PHTF2: variants seen among roughly 807,000 people sequenced by gnomAD.
The protein encoded by PHTF2 is protein PHTF2.
In PHTF2, 60 loss-of-function variants were observed where a neutral mutation model predicts 101.2. That is an observed-to-expected ratio of 0.59 (90% CI 0.48 to 0.73). The LOEUF (loss-of-function observed/expected upper bound fraction) is 0.73, where lower values mean the gene tolerates loss of function less well. Ranked by LOEUF, PHTF2 falls within the 30% of genes least tolerant of loss-of-function variation. PHTF2 has a pLI of 0.00. For missense variants in PHTF2, 747 were observed against 908.7 expected, an observed-to-expected ratio of 0.82 and a Z score of 2.29; for synonymous variants, 311 against 307.3, an observed-to-expected ratio of 1.01 and a Z score of -0.13.
intron 1 of PHTF2, among the ~76,000 whole-genome samples, chr7:77,814,815 C>T (rs1381429091): frequency 1.3e-5 from 2 of 152,086 alleles, no homozygotes; most frequent in Non-Finnish European, 2.9e-5. Flanking sequence ...TGGCTTAGGC[C>T]TGTAATTCCA....
At chr7:77,898,033 A>G (rs1276677286) in intron 5 of PHTF2, among the ~76,000 whole-genome samples, 2 of 149,436 alleles carry the variant, frequency 1.3e-5, no homozygotes, top group African/African-American at 2.5e-5. Flanking sequence ...TTGATAGGCT[A>G]CCTTAGAGGG....
In PHTF2 at chr7:77,946,974, G is replaced by C. The variant is rs1204822099; in HGVS notation, c.1960-2704G>C. Reference sequence around the variant, plus strand: ...TGGTCTCTACAAAAAAAAAAAAAAAGCCAGACATGGTGACACATGCCTGTG... The same window carrying C: ...TGGTCTCTACAAAAAAAAAAAAAAACCCAGACATGGTGACACATGCCTGTG... On this transcript the variant is annotated intron_variant, in intron 16 of 19. Transcript: ENST00000416283. Among the ~76,000 whole-genome samples, 4 of 145,370 alleles carry C rather than the reference G, an allele frequency of 2.8e-5. No individual in the cohort carries two copies. In the East Asian group the frequency reaches 8.1e-4, roughly 29 times the overall value.
At chr7:77,868,300 G>A (rs569000771) in intron 3 of PHTF2, among the ~76,000 whole-genome samples, 14 of 145,126 alleles carry the variant, frequency 9.6e-5, no homozygotes, top group Admixed American at 6.9e-4. Context: ...GCACCACCTC[G>A]CAAGTGGCTA....
intron 5 of PHTF2, 56 bp from the exon 5 acceptor site, chr7:77,900,655 C>T (rs1366571369): frequency 3.5e-6 from 3 of 866,590 alleles, no homozygotes; most frequent in Non-Finnish European, 4.0e-6. Context: ...TTGATTTTCT[C>T]CTGTTCTAGA....
At chr7:77,840,196 T>C (rs1056330155) in intron 1 of PHTF2, 25 bp from the exon 2 acceptor site, 23 of 1,204,454 alleles carry the variant, frequency 1.9e-5, no homozygotes, top group Admixed American at 1.0e-4. Context: ...ATAAAGTCAT[T>C]TGTATGTTTT....
chr7:77,914,827 A>C (rs962656507), intron 9 of PHTF2, among the ~76,000 whole-genome samples: 1 of 152,184 alleles, frequency 6.6e-6, no homozygotes, highest in Non-Finnish European at 1.5e-5. Flanking sequence ...TGCTAGAGTT[A>C]TATCGGATCC....
chr7:77,855,942 A>T (rs1295818394), intron 3 of PHTF2, among the ~76,000 whole-genome samples: 1 of 152,168 alleles, frequency 6.6e-6, no homozygotes, highest in Non-Finnish European at 1.5e-5. Context: ...AAAACAAAGT[A>T]CTTTGTTTAC....
At chr7:77,904,001 A>G (rs1374013922) in intron 7 of PHTF2, among the ~76,000 whole-genome samples, 1 of 152,150 alleles carries the variant, frequency 6.6e-6, no homozygotes, top group Non-Finnish European at 1.5e-5. Flanking sequence ...CCATTTCTGC[A>G]TGTCTTGGTT....
intron 1 of PHTF2, among the ~76,000 whole-genome samples, chr7:77,830,560 A>G (rs1318394660): frequency 6.6e-6 from 1 of 152,176 alleles, no homozygotes; most frequent in Non-Finnish European, 1.5e-5. Flanking sequence ...TCAGCTGTGT[A>G]TGTGAGAGAT....
intron 2 of PHTF2, among the ~76,000 whole-genome samples, chr7:77,854,310 C>G (rs545491184): frequency 3.4e-4 from 52 of 152,298 alleles, no homozygotes; most frequent in African/African-American, 1.1e-3. Flanking sequence ...AATGGAGTCT[C>G]TCTGTCTGCT....
chr7:77,850,525 G>T (rs1309695836), intron 2 of PHTF2, among the ~76,000 whole-genome samples: 1 of 150,430 alleles, frequency 6.6e-6, no homozygotes, highest in East Asian at 2.0e-4. Flanking sequence ...ACCTGTAGTT[G>T]CAACTACTTG....
chr7:77,874,535 G>A (rs1479645493), intron 3 of PHTF2, among the ~76,000 whole-genome samples: 1 of 152,186 alleles, frequency 6.6e-6, no homozygotes, highest in Non-Finnish European at 1.5e-5. Flanking sequence ...CTGTTCCAGG[G>A]CAGGAAGCAT....
intron 1 of PHTF2, among the ~76,000 whole-genome samples, chr7:77,821,145 A>G (rs1412386204): frequency 6.6e-6 from 1 of 151,120 alleles, no homozygotes; most frequent in Admixed American, 6.6e-5. Flanking sequence ...TTTTCTTTTC[A>G]ATATTTTGAA....
At chr7:77,916,348 T>A (rs960386016) in intron 9 of PHTF2, among the ~76,000 whole-genome samples, 3 of 152,234 alleles carry the variant, frequency 2.0e-5, no homozygotes, top group African/African-American at 7.2e-5. Context: ...CCTGTGTTCC[T>A]TTTAATAAAT....
intron 3 of PHTF2, among the ~76,000 whole-genome samples, chr7:77,866,085 G>A (rs1310172189): frequency 6.7e-6 from 1 of 150,014 alleles, no homozygotes; most frequent in South Asian, 2.1e-4. Context: ...TTGGGAGGCC[G>A]AGGCAGGAGA....
intron 18 of PHTF2, among the ~76,000 whole-genome samples, chr7:77,953,031 A>C (rs550400500): frequency 6.6e-6 from 1 of 152,244 alleles, no homozygotes; most frequent in African/African-American, 2.4e-5. Flanking sequence ...TTGCTGGCCC[A>C]ATGATCTTTC....
chr7:77,857,413 C>A (rs551011813), intron 3 of PHTF2, among the ~76,000 whole-genome samples: 1 of 152,322 alleles, frequency 6.6e-6, no homozygotes, highest in East Asian at 1.9e-4. Flanking sequence ...GTAGTTCAGC[C>A]ATTATCCGCT....
At chr7:77,876,424 A>C (rs1798948234) in intron 3 of PHTF2, among the ~76,000 whole-genome samples, 2 of 152,224 alleles carry the variant, frequency 1.3e-5, no homozygotes, top group African/African-American at 2.4e-5. Flanking sequence ...TGGCCAAAAG[A>C]ATTATGACCA....
chr7:77,913,664 G>T (rs1369522769), intron 9 of PHTF2, among the ~76,000 whole-genome samples: 1 of 152,062 alleles, frequency 6.6e-6, no homozygotes, highest in Non-Finnish European at 1.5e-5. Context: ...GCCAAGGCTG[G>T]TCTCAAACTC....
Sources: gnomAD v4.1 joint callset for allele counts (sites outside exome capture counted in the v4.1 genomes callset) on GRCh38, gnomAD v4.1.1 for gene constraint, MANE v1.5 for transcripts, NCBI Gene and HGNC (gene_info 2026-07-23, HGNC 2026-07-21) for gene names.